The following PTGIS variants were observed in gnomAD, a reference collection of about 807,000 sequenced individuals.
PTGIS encodes the protein prostacyclin synthase.
A neutral mutation model predicts 50.3 loss-of-function variants in PTGIS; 45 were observed. The ratio of observed to expected loss-of-function variants is 0.90; its 90% CI spans 0.70 to 1.15. The LOEUF (loss-of-function observed/expected upper bound fraction) is 1.15, where lower values mean the gene tolerates loss of function less well. PTGIS is among the 50% of genes most tolerant of loss of function. PTGIS has a pLI of 0.00. For synonymous variants in PTGIS, 260 were observed against 267.7 expected (o/e 0.97, Z 0.28); for missense variants, 668 against 661.3 (o/e 1.01, Z -0.11).
At chr20:49,562,063 A>T (rs145748411) in intron 1 of PTGIS, among the ~76,000 whole-genome samples, 138 of 152,242 alleles carry the variant, frequency 9.1e-4, no homozygotes, top group African/African-American at 3.2e-3. Context: ...AGAGGAGGAA[A>T]CTGAGGTGCA....
rs759344518 is a variant in PTGIS, at chr20:49,524,158, C to T, written c.755G>A (p.Arg252Gln). The T allele has an allele frequency of 7.2e-5, 116 of 1,614,222 alleles. No homozygotes were observed. In the East Asian group the frequency reaches 8.5e-4, roughly 12 times the overall value. The change falls in exon 6 of 10, where the codon CGG (arginine) becomes CAG (glutamine). Residue 252 changes from arginine to glutamine, a missense_variant. Coordinates refer to ENST00000244043, the MANE Select transcript of PTGIS (RefSeq NM_000961.4). ...SPARLARRAHRSKWLESYLLH... is the reference protein window; with the variant it reads ...SPARLARRAHQSKWLESYLLH... ...CAGGTAACTCTCCAGCCATTTGCTC[C>T]GGTGGGCCCGCCTGGCCAGCCTGGC...
intron 2 of PTGIS, 54 bp from the exon 3 acceptor site, chr20:49,548,073 C>T: frequency 1.3e-6 from 2 of 1,544,612 alleles, no homozygotes; most frequent in Non-Finnish European, 1.8e-6. Flanking sequence ...ACAGCAGCCG[C>T]TCTCAGTGGT....
chr20:49,519,075 A>G (rs1981574769), intron 6 of PTGIS, among the ~76,000 whole-genome samples: 2 of 152,138 alleles, frequency 1.3e-5, no homozygotes, highest in Admixed American at 6.5e-5. Context: ...CATTACCAGC[A>G]TCAGTGGGCT....
chr20:49,561,496 A>AC (rs765367151), intron 1 of PTGIS, among the ~76,000 whole-genome samples: 1 of 152,178 alleles, frequency 6.6e-6, no homozygotes, highest in Non-Finnish European at 1.5e-5. Flanking sequence ...TGAAGTCTCC[A>AC]CGTGTCGTGC....
At chr20:49,527,858 G>C (rs746358872) in intron 5 of PTGIS, among the ~76,000 whole-genome samples, 1 of 152,118 alleles carries the variant, frequency 6.6e-6, no homozygotes, top group African/African-American at 2.4e-5. Context: ...CATTCTGGGC[G>C]GGTGCAGTGG....
chr20:49,536,424 GCT>G (rs201302980), intron 5 of PTGIS, among the ~76,000 whole-genome samples: 1,552 of 151,536 alleles, frequency 0.01, 30 homozygotes, highest in African/African-American at 0.035. Flanking sequence ...CATAGTAAGT[GCT>G]CAGCAAACAG....
intron 1 of PTGIS, among the ~76,000 whole-genome samples, chr20:49,550,721 A>G (rs1046292438): frequency 3.9e-5 from 6 of 152,182 alleles, no homozygotes; most frequent in Admixed American, 1.3e-4. Flanking sequence ...GAGATCTAAG[A>G]GAGCTACAAT....
At chr20:49,535,707 G>C (rs1417588420) in intron 5 of PTGIS, among the ~76,000 whole-genome samples, 1 of 152,134 alleles carries the variant, frequency 6.6e-6, no homozygotes, top group Non-Finnish European at 1.5e-5. Context: ...GTAGAGATGG[G>C]GTTTCGCCAT....
chr20:49,515,644 A>G (rs778765024), intron 6 of PTGIS, among the ~76,000 whole-genome samples: 4 of 152,232 alleles, frequency 2.6e-5, no homozygotes, highest in Non-Finnish European at 5.9e-5. Context: ...CATGTAATAG[A>G]AAAATGCTGG....
chr20:49,530,089 G>A (rs1047087050), intron 5 of PTGIS, among the ~76,000 whole-genome samples: 6 of 151,150 alleles, frequency 4.0e-5, no homozygotes, highest in African/African-American at 1.5e-4. Flanking sequence ...GGGGGGCGGA[G>A]GTTGTGGTGA....
intron 3 of PTGIS, 104 bp from the exon 4 acceptor site, chr20:49,544,552 C>T (rs1458211216): frequency 1.6e-5 from 22 of 1,346,376 alleles, no homozygotes; most frequent in African/African-American, 2.9e-5. Flanking sequence ...TCAAGCTCCC[C>T]ATTGGCAAAG....
intron 1 of PTGIS, among the ~76,000 whole-genome samples, chr20:49,567,390 G>A (rs972876941): frequency 3.9e-5 from 6 of 152,190 alleles, no homozygotes; most frequent in Admixed American, 2.6e-4. Flanking sequence ...GGGGAAGGTA[G>A]AGACTTCATA....
intron 1 of PTGIS, among the ~76,000 whole-genome samples, chr20:49,559,154 C>A (rs956324401): frequency 6.6e-6 from 1 of 152,134 alleles, no homozygotes; most frequent in Non-Finnish European, 1.5e-5. Context: ...ATTTTATGAA[C>A]AAAAGCCTTC....
At chr20:49,559,488 A>AG in intron 1 of PTGIS, among the ~76,000 whole-genome samples, 2 of 152,360 alleles carry the variant, frequency 1.3e-5, no homozygotes, top group South Asian at 4.1e-4. Context: ...GGTCTGGATC[A>AG]GGACCGCTTT....
chr20:49,554,619 C>G (rs1982581353), intron 1 of PTGIS, among the ~76,000 whole-genome samples: 1 of 152,128 alleles, frequency 6.6e-6, no homozygotes, highest in African/African-American at 2.4e-5. Flanking sequence ...TTCAACCTCT[C>G]TAGGCCCAGG....
At position 49,544,333 on chromosome 20, in the gene PTGIS, G is replaced by A; in HGVS notation, c.493C>T (p.Leu165Phe). ...AGSGWHEMGL[L>F]DFSYSFLLRA... ...AGCAGGAAGCTGTAGGAGAAGTCGA[G>A]GAGACCCATCTCGTGCCAGCCACTG... is the stretch of plus-strand genomic sequence containing the variant. Residue 165 changes from leucine (L) to phenylalanine (F), a missense_variant, in exon 4 of 10, where the codon CTC (leucine) becomes TTC (phenylalanine). Coordinates refer to ENST00000244043, the MANE Select transcript of PTGIS (RefSeq NM_000961.4). The A allele has an allele frequency of 6.2e-7, 1 of 1,614,182 alleles. No homozygotes were observed. Among genetic ancestry groups the A allele is most frequent in the Non-Finnish European group, 8.5e-7 (1 of 1,180,034 alleles).
At chr20:49,553,646 T>G (rs1227109413) in intron 1 of PTGIS, among the ~76,000 whole-genome samples, 2 of 151,956 alleles carry the variant, frequency 1.3e-5, no homozygotes, top group Non-Finnish European at 2.9e-5. Context: ...TAAAAAAGTG[T>G]TCTTATTAAA....
At position 49,568,095 on chromosome 20, in the gene PTGIS, C is replaced by G. The variant is rs1331947428; in HGVS notation, c.22G>C (p.Gly8Arg). The G allele has an allele frequency of 1.6e-5, 23 of 1,433,896 alleles. No homozygotes were observed. The highest frequency in any genetic ancestry group is 1.3e-4 in the South Asian group (10 of 74,814). The allele number at this position is 1,433,896 out of a possible 1,614,324, so 88.8% of individuals were successfully genotyped here. The change falls in exon 1 of 10, where the codon GGC (glycine) becomes CGC (arginine). Residue 8 changes from glycine to arginine, a missense_variant. Coordinates refer to ENST00000244043, the MANE Select transcript of PTGIS (RefSeq NM_000961.4). MAWAALL[G>R]LLAALLLLLL... ...AGCAGCAACAGTGCGGCCAGGAGGC[C>G]GAGGAGCGCGGCCCAAGCCATCGCG...
At chr20:49,542,557 T>C (rs2122880705) in intron 4 of PTGIS, among the ~76,000 whole-genome samples, 1 of 152,336 alleles carries the variant, frequency 6.6e-6, no homozygotes, top group Middle Eastern at 3.4e-3. Context: ...CCTATCTCTC[T>C]CTGACTTCTT....
Sources: gnomAD v4.1 joint callset for allele counts (sites outside exome capture counted in the v4.1 genomes callset) on GRCh38, gnomAD v4.1.1 for gene constraint, MANE v1.5 for transcripts, NCBI Gene and HGNC (gene_info 2026-07-23, HGNC 2026-07-21) for gene names.